Variants in CLCC1 observed in about 807,000 individuals in gnomAD.
The protein encoded by CLCC1 is chloride channel CLIC-like protein 1.
In CLCC1, 39 loss-of-function variants were observed where a neutral mutation model predicts 63.3. That is an observed-to-expected ratio of 0.62 (90% CI 0.48 to 0.81). CLCC1 has a LOEUF of 0.81. Ranked by LOEUF, CLCC1 falls within the 30% of genes least tolerant of loss-of-function variation. The probability of loss-of-function intolerance (pLI) is 0.00; values close to 1 mark genes in which losing one functional copy is unlikely to be tolerated. For missense variants in CLCC1, 549 were observed against 669.4 expected, an observed-to-expected ratio of 0.82 and a Z score of 1.98; for synonymous variants, 217 against 239.8, an observed-to-expected ratio of 0.90 and a Z score of 0.88.
At chr1:108,956,772 C>T (rs1377474941) in intron 2 of CLCC1, among the ~76,000 whole-genome samples, 1 of 147,778 alleles carries the variant, frequency 6.8e-6, no homozygotes, top group African/African-American at 2.6e-5. Flanking sequence ...GGAGAACATC[C>T]AGAGAGAAGA....
At chr1:108,950,265 G>C (rs760233935) in intron 3 of CLCC1, 44 bp downstream of exon 3, 10 of 1,574,050 alleles carry the variant, frequency 6.4e-6, no homozygotes, top group Admixed American at 1.8e-5. Context: ...TTCCATCATG[G>C]GACTGATAAG....
At chr1:108,948,162 G>A (rs932954199) in intron 4 of CLCC1, among the ~76,000 whole-genome samples, 41 of 152,222 alleles carry the variant, frequency 2.7e-4, no homozygotes, top group African/African-American at 6.3e-4. Context: ...GAAGCCAGAC[G>A]ATGAAATGAA....
chr1:108,952,800 T>TAA (rs374960900), intron 2 of CLCC1, among the ~76,000 whole-genome samples: 3 of 138,590 alleles, frequency 2.2e-5, no homozygotes, highest in African/African-American at 2.7e-5. Context: ...ACTCTGCCTT[T>TAA]AAAAAAAAAA....
Position 108,931,476 on chromosome 1 carries a change from CTG to C in CLCC1, c.*1069_*1070del, listed in dbSNP as rs760343015. 1.7e-5 allele frequency: 27 copies of C among 1,550,512 alleles called. No individual in the cohort carries two copies. The South Asian group carries it at 3.0e-4, about 17-fold the overall frequency. ...CTTGTTTCACTCTGCTTGCTTCAGA[CTG>C]TGCACAGCTGGGATGGGATCTGGGG... On this transcript the variant is annotated 3_prime_UTR_variant, in exon 13 of 13. Transcript: ENST00000369969.
chr1:108,946,379 G>C (rs960647319), intron 5 of CLCC1, among the ~76,000 whole-genome samples: 2 of 151,714 alleles, frequency 1.3e-5, no homozygotes, highest in Non-Finnish European at 2.9e-5. Flanking sequence ...GGTTCCATCT[G>C]TTTCCTTATC....
Position 108,929,646 on chromosome 1 carries a change from G to A in CLCC1, c.*2901C>T. On this transcript the variant is annotated 3_prime_UTR_variant, in exon 13 of 13. Transcript: ENST00000369969. ...TGTTGTGACTGAGAGATTTAACATA[G>A]CTTGGTGCTTTCTTTCCCACAGTAT... The A allele has an allele frequency of 6.4e-7, 1 of 1,558,910 alleles. No homozygotes were observed. Among genetic ancestry groups the A allele is most frequent in the Non-Finnish European group, 8.8e-7 (1 of 1,130,314 alleles).
At chr1:108,953,035 G>T (rs922020992) in intron 2 of CLCC1, among the ~76,000 whole-genome samples, 5 of 152,096 alleles carry the variant, frequency 3.3e-5, no homozygotes, top group African/African-American at 2.4e-5. Flanking sequence ...TCACATATGG[G>T]TAGTGGCTAC....
chr1:108,938,287 A>G (rs1444937608), intron 10 of CLCC1, among the ~76,000 whole-genome samples: 1 of 152,254 alleles, frequency 6.6e-6, no homozygotes, highest in Non-Finnish European at 1.5e-5. Flanking sequence ...AAAAGCAGCA[A>G]AAGTCAAAGA....
Position 108,937,189 on chromosome 1 carries a change from C to G in CLCC1, c.1271G>C (p.Arg424Thr). Residue 424 changes from arginine to threonine, a missense_variant, in exon 11 of 13, where the codon AGA (arginine) becomes ACA (threonine). Transcript: ENST00000369969. ...AAATCTCAAGTCAACATCTCTCTCT[C>G]TCAAAATCTCTCTTCTACCCTCATA... ...KTYEGRREIL[R>T]ERDVDLRFQT... The G allele has an allele frequency of 1.3e-6, 2 of 1,598,308 alleles. No homozygotes were observed. Among genetic ancestry groups the G allele is most frequent in the Non-Finnish European group, 8.5e-7 (1 of 1,173,108 alleles).
In CLCC1 at chr1:108,934,759, C is replaced by G; in HGVS notation, c.1567G>C (p.Gly523Arg). 1 of 1,614,080 alleles carries G rather than the reference C, an allele frequency of 6.2e-7. No homozygotes were observed. Among genetic ancestry groups the G allele is most frequent in the East Asian group, 2.2e-5 (1 of 44,888 alleles). Residue 523 changes from glycine to arginine, a missense_variant, in exon 12 of 13, where the codon GGC becomes CGC. Transcript: ENST00000369969. Reference protein sequence around the residue: ...EKAQLKSEAAGSPDQGSTYSP... With the variant: ...EKAQLKSEAARSPDQGSTYSP... The stretch of plus-strand genomic sequence containing the variant: ...TATGTGCTGCCTTGGTCTGGGCTGC[C>G]TGCGGCTTCAGACTTGAGCTGGGCC...
intron 2 of CLCC1, among the ~76,000 whole-genome samples, chr1:108,958,457 C>T (rs574343618): frequency 1.5e-4 from 23 of 151,540 alleles, no homozygotes; most frequent in South Asian, 8.3e-4. Context: ...TATCTCAGTG[C>T]GTGTGTTCAA....
At chr1:108,934,602 A>G (rs1652580605) in intron 12 of CLCC1, 23 bp downstream of exon 12, 1 of 1,517,840 alleles carries the variant, frequency 6.6e-7, no homozygotes, top group South Asian at 1.3e-5. Flanking sequence ...GAGAAGAGAA[A>G]GAGAGTGAAG....
chr1:108,929,927 C>A lies in CLCC1; in HGVS notation c.*2620G>T, dbSNP rs752300174. ...GAGTTTAAAAATTCAGGGAAAAAAT[C>A]GGCAGACCATTAGTTACTATGGATT... is the stretch of plus-strand genomic sequence containing the variant. On this transcript the variant is annotated 3_prime_UTR_variant, in exon 13 of 13. Coordinates refer to ENST00000369969, the MANE Select transcript of CLCC1 (RefSeq NM_001377458.1). 1.2e-6 allele frequency: 2 copies of A among 1,613,208 alleles called. No individual in the cohort carries two copies. Among genetic ancestry groups the A allele is most frequent in the Non-Finnish European group, 1.7e-6 (2 of 1,179,290 alleles).
chr1:108,939,237 AATATATAAATATAGACAG>A (rs1653463808), intron 10 of CLCC1, among the ~76,000 whole-genome samples: 1 of 142,538 alleles, frequency 7.0e-6, no homozygotes, highest in Non-Finnish European at 1.5e-5. Context: ...ATATATAATA[AATATATAAATATAGACAG>A]ATATATAAAT....
intron 7 of CLCC1, among the ~76,000 whole-genome samples, chr1:108,942,664 A>G (rs1653993867): frequency 1.3e-5 from 2 of 152,214 alleles, no homozygotes; most frequent in Non-Finnish European, 2.9e-5. Context: ...AATCTAGAAA[A>G]ATCTAGAAAG....
At position 108,940,057 on chromosome 1, in the gene CLCC1, G is replaced by A. The variant is rs555047994; in HGVS notation, c.882C>T (p.Val294=). Residue 294 remains valine, a synonymous_variant, in exon 9 of 13, where the codon GTC becomes GTT. Transcript: ENST00000369969. ...ELLLVNPIWL[V]PPTKALAVTF... ...ATATATGCTATACCTTTGTTGGTGG[G>A]ACCAACCAAATAGGGTTGACTAGTA... 3.1e-6 allele frequency: 5 copies of A among 1,610,950 alleles called. No homozygotes were observed. In the Admixed American group the frequency reaches 8.4e-5, roughly 27 times the overall value.
rs1571109842 is a variant in CLCC1, at chr1:108,963,470, G to T, written c.-282C>A. 1 of 702,030 alleles carries T rather than the reference G, an allele frequency of 1.4e-6. No homozygotes were observed. The allele number at this position is 702,030 out of a possible 1,614,324, so 43.5% of individuals were successfully genotyped here. On this transcript the variant is annotated 5_prime_UTR_variant, in exon 1 of 13. Transcript: ENST00000369969. ...GGTTTCAGCGTGCTTCCTGGGCCTC[G>T]TCATCGAATTGTTCGGCTGACGGCT... is the stretch of plus-strand genomic sequence containing the variant.
At chr1:108,950,517 T>TATG in intron 2 of CLCC1, 69 bp from the exon 3 acceptor site, 1 of 790,680 alleles carries the variant, frequency 1.3e-6, no homozygotes, top group Non-Finnish European at 1.7e-6. Flanking sequence ...TTTGGGTTAT[T>TATG]ATTATTATTA....
At chr1:108,940,163 AAC>A in intron 8 of CLCC1, 21 bp from the exon 9 acceptor site, 1 of 1,465,562 alleles carries the variant, frequency 6.8e-7, no homozygotes, top group Non-Finnish European at 9.5e-7. Flanking sequence ...AAACAGACAA[AAC>A]ACTGATCATT....
Sources: allele counts gnomAD v4.1 joint callset (sites outside exome capture counted in the v4.1 genomes callset), GRCh38; gene constraint gnomAD v4.1.1; transcripts MANE v1.5; gene names NCBI Gene and HGNC (gene_info 2026-07-23, HGNC 2026-07-21).